RALGAPA1: variants seen among roughly 807,000 people sequenced by gnomAD.
The protein encoded by RALGAPA1 is ral GTPase-activating protein subunit alpha-1.
RALGAPA1 carries 52 observed loss-of-function variants against 269.6 expected under a neutral mutation model. That is an observed-to-expected ratio of 0.19 (90% CI 0.15 to 0.24). The LOEUF is 0.24. Among genes scored for constraint, RALGAPA1 ranks in the 10% least tolerant of loss-of-function variants. RALGAPA1 has a pLI of 1.00. For missense variants in RALGAPA1, 1,917 were observed against 3,013.9 expected (o/e 0.64, Z 8.52); for synonymous variants, 817 against 1,008.3 (o/e 0.81, Z 3.60).
intron 27 of RALGAPA1, among the ~76,000 whole-genome samples, chr14:35,660,790 A>G (rs2063491662): frequency 6.6e-6 from 1 of 152,178 alleles, no homozygotes; most frequent in Non-Finnish European, 1.5e-5. Context: ...CAGCCTTTAA[A>G]AAGAAGGAAA....
Position 35,748,596 on chromosome 14 carries a change from T to C in RALGAPA1, c.1240A>G (p.Ile414Val), listed in dbSNP as rs780435264. 6.2e-7 allele frequency: 1 copy of C among 1,607,370 alleles called. No homozygotes were observed. The highest frequency in any genetic ancestry group is 8.5e-7 in the Non-Finnish European group (1 of 1,176,818). Residue 414 changes from isoleucine to valine, a missense_variant, in exon 10 of 42, where the codon ATA becomes GTA. Transcript: ENST00000680220. ...GAGAGGTATGTTACCTGACGAAATA[T>C]CTCTGTCACAAAGTTTACATTACTC... ...KRSNVNFVTE[I>V]FRQAFLLPIC...
At chr14:35,706,470 T>G (rs1259081854) in intron 16 of RALGAPA1, among the ~76,000 whole-genome samples, 1 of 152,192 alleles carries the variant, frequency 6.6e-6, no homozygotes, top group Non-Finnish European at 1.5e-5. Context: ...AATCTCTATT[T>G]TATTCCATCT....
chr14:35,606,416 C>T (rs993880692), intron 35 of RALGAPA1, among the ~76,000 whole-genome samples: 1 of 152,008 alleles, frequency 6.6e-6, no homozygotes, highest in Non-Finnish European at 1.5e-5. Flanking sequence ...TGTAAATACA[C>T]CTAAACAGAA....
At position 35,596,580 on chromosome 14, in the gene RALGAPA1, G is replaced by A. The variant is rs1389883068; in HGVS notation, c.7054-791C>T. ...TACAAAAAAAATCCCTGCACCATAT[G>A]AACTGAACACATGTCAAATATCAGT... On this transcript the variant is annotated intron_variant, in intron 36 of 41. Coordinates refer to ENST00000680220, the MANE Select transcript of RALGAPA1 (RefSeq NM_001346249.2). Among the ~76,000 whole-genome samples the A allele has an allele frequency of 1.3e-5, 2 of 152,078 alleles. 1 individual carries two copies. Among genetic ancestry groups the A allele is most frequent in the Admixed American group, 1.3e-4 (2 of 15,252 alleles).
chr14:35,682,922 A>T (rs2065582088), intron 21 of RALGAPA1, among the ~76,000 whole-genome samples: 1 of 152,140 alleles, frequency 6.6e-6, no homozygotes, highest in South Asian at 2.1e-4. Context: ...CAGAGAATGG[A>T]TTTCTAACTT....
chr14:35,675,342 A>AT, intron 22 of RALGAPA1, among the ~76,000 whole-genome samples: 1 of 152,160 alleles, frequency 6.6e-6, no homozygotes, highest in Non-Finnish European at 1.5e-5. Context: ...CATCCGGCTA[A>AT]TTTTTTTGTA....
At chr14:35,748,258 TTAC>T (rs1306006426) in intron 10 of RALGAPA1, 1 of 154,660 alleles carries the variant, frequency 6.5e-6, no homozygotes, top group African/African-American at 2.6e-5. Context: ...AGTTTAATAA[TTAC>T]TTAGTTTAAA....
intron 31 of RALGAPA1, among the ~76,000 whole-genome samples, chr14:35,640,185 G>A (rs1047432228): frequency 6.6e-6 from 1 of 151,818 alleles, no homozygotes; most frequent in South Asian, 2.1e-4. Context: ...AACCAGAAAA[G>A]CAAGAGCAAA....
intron 1 of RALGAPA1, among the ~76,000 whole-genome samples, chr14:35,780,428 A>C (rs2075352133): frequency 6.6e-6 from 1 of 152,186 alleles, no homozygotes; most frequent in African/African-American, 2.4e-5. Context: ...CAGTCTTTTC[A>C]AATGCACATG....
rs1449942309 is a variant in RALGAPA1, at chr14:35,714,037, G to A, written c.2266+7651C>T. 2.0e-5 allele frequency among the ~76,000 whole-genome samples: 3 copies of A among 151,528 alleles called. No homozygotes were observed. The East Asian group carries it at 5.8e-4, about 29-fold the overall frequency. ...TTGAACCCAGGAGGCAGAGGTTGCA[G>A]TGAGCTGAGATCATGCCACTGCACT... is the stretch of plus-strand genomic sequence containing the variant. On this transcript the variant is annotated intron_variant, in intron 16 of 41. Coordinates refer to ENST00000680220, the MANE Select transcript of RALGAPA1 (RefSeq NM_001346249.2).
intron 16 of RALGAPA1, among the ~76,000 whole-genome samples, chr14:35,713,527 C>G (rs1303797384): frequency 6.6e-6 from 1 of 152,218 alleles, no homozygotes; most frequent in Non-Finnish European, 1.5e-5. Flanking sequence ...TTAGGTTACT[C>G]CCCTTCTCAA....
rs1213929340 is a variant in RALGAPA1, at chr14:35,651,820, A to G, written c.5661T>C (p.Tyr1887=). 1.2e-6 allele frequency: 2 copies of G among 1,600,960 alleles called. No individual in the cohort carries two copies. The highest frequency in any genetic ancestry group is 1.8e-5 in the Admixed American group (1 of 57,128). ...HLLPSTEASS[Y]EMDKRLVVSL... ...TTTAAATTACCCTCTTGTCCATTTC[A>G]TAAGATGAAGCCTCTGTACTTGGTA... Residue 1887 remains tyrosine, a synonymous_variant, in exon 31 of 42, where the codon TAT becomes TAC. Transcript: ENST00000680220.
intron 12 of RALGAPA1, among the ~76,000 whole-genome samples, chr14:35,733,615 A>C (rs145388740): frequency 5.1e-4 from 78 of 152,294 alleles, no homozygotes; most frequent in Non-Finnish European, 7.5e-4. Flanking sequence ...CCTACATCAA[A>C]AAGACTGAAA....
intron 7 of RALGAPA1, among the ~76,000 whole-genome samples, chr14:35,754,823 G>A (rs2073032655): frequency 6.6e-6 from 1 of 152,072 alleles, no homozygotes; most frequent in Non-Finnish European, 1.5e-5. Flanking sequence ...GAATAAACTG[G>A]TGCATCCCCT....
chr14:35,688,806 C>G lies in RALGAPA1; in HGVS notation c.3605G>C (p.Ser1202Thr). The G allele has an allele frequency of 7.2e-7, 1 of 1,396,388 alleles. No homozygotes were observed. Among genetic ancestry groups the G allele is most frequent in the Non-Finnish European group, 9.3e-7 (1 of 1,079,190 alleles). 86.5% of individuals were successfully genotyped at this position (1,396,388 alleles called of 1,614,324 possible). Reference sequence around the variant, plus strand: ...ACCAGGTTTTACTAGCTCTGTAGCACTATTTGTGCTGGTATGGGTGTTGCT... The same window carrying G: ...ACCAGGTTTTACTAGCTCTGTAGCAGTATTTGTGCTGGTATGGGTGTTGCT... Reference protein sequence around the residue: ...STSNTHTSTNSATELVKPGVY... With the variant: ...STSNTHTSTNTATELVKPGVY... The change falls in exon 18 of 42, where the codon AGT (serine) becomes ACT (threonine). Residue 1202 changes from serine to threonine, a missense_variant. This residue lies in a region of RALGAPA1 where 615 missense variants were observed against 790.0 expected (regional missense o/e 0.78). Coordinates refer to ENST00000680220, the MANE Select transcript of RALGAPA1 (RefSeq NM_001346249.2).
At chr14:35,677,714 T>A in intron 22 of RALGAPA1, 1 of 437,270 alleles carries the variant, frequency 2.3e-6, no homozygotes. Context: ...TACTTGAAAA[T>A]AATGCAATAA....
At chr14:35,798,240 C>T (rs570698891) in intron 1 of RALGAPA1, among the ~76,000 whole-genome samples, 5 of 150,172 alleles carry the variant, frequency 3.3e-5, no homozygotes, top group South Asian at 2.1e-4. Flanking sequence ...GGCATGAACA[C>T]GGCTGACTGT....
intron 27 of RALGAPA1, among the ~76,000 whole-genome samples, chr14:35,661,321 GA>G (rs1395936498): frequency 6.6e-6 from 1 of 151,484 alleles, no homozygotes; most frequent in Non-Finnish European, 1.5e-5. Flanking sequence ...ATATGACAAT[GA>G]ATTTTGAAAC....
intron 3 of RALGAPA1, among the ~76,000 whole-genome samples, chr14:35,772,195 G>A (rs901738852): frequency 2.0e-5 from 3 of 152,104 alleles, no homozygotes; most frequent in Non-Finnish European, 4.4e-5. Context: ...AGGACTACAA[G>A]TGTGTGCCAC....
Sources: gnomAD v4.1 joint callset for allele counts (sites outside exome capture counted in the v4.1 genomes callset) on GRCh38, gnomAD v4.1.1 for gene constraint, gnomAD v4.1.1 regional missense constraint, MANE v1.5 for transcripts, NCBI Gene and HGNC (gene_info 2026-07-23, HGNC 2026-07-21) for gene names.